The following CDRT4 variants were observed in gnomAD, a reference collection of about 807,000 sequenced individuals.
CDRT4 encodes the protein CMT1A duplicated region transcript 4.
For missense variants in CDRT4, 167 were observed against 193.1 expected, an observed-to-expected ratio of 0.87 and a Z score of 0.80; for synonymous variants, 64 against 69.6, an observed-to-expected ratio of 0.92 and a Z score of 0.40.
chr17:15,442,353 T>G (rs1287666648), intron 2 of CDRT4, among the ~76,000 whole-genome samples: 1 of 149,578 alleles, frequency 6.7e-6, no homozygotes, highest in African/African-American at 2.5e-5. Flanking sequence ...GAGGTTGCAG[T>G]GAACCGGGAT....
chr17:15,454,939 G>A (rs146766747), intron 1 of CDRT4, among the ~76,000 whole-genome samples: 144 of 152,202 alleles, frequency 9.5e-4, no homozygotes, highest in Non-Finnish European at 1.5e-3. Flanking sequence ...CTTTGTAACC[G>A]TTAGCTTTTC....
At chr17:15,441,785 TAC>T (rs1207920145) in intron 2 of CDRT4, among the ~76,000 whole-genome samples, 1 of 152,258 alleles carries the variant, frequency 6.6e-6, no homozygotes, top group East Asian at 1.9e-4. Context: ...AGACAGATCT[TAC>T]AGAGTCCCTG....
At chr17:15,459,439 C>CTTTTTTTT (rs35161691) in intron 1 of CDRT4, among the ~76,000 whole-genome samples, 99 of 107,484 alleles carry the variant, frequency 9.2e-4, no homozygotes, top group African/African-American at 1.8e-3. Context: ...CTTTTTTTTT[C>CTTTTTTTT]TTTTTTTTTT....
chr17:15,449,367 A>G (rs1979165250), intron 2 of CDRT4, among the ~76,000 whole-genome samples: 1 of 152,252 alleles, frequency 6.6e-6, no homozygotes, highest in Non-Finnish European at 1.5e-5. Context: ...CAGCCTGTCC[A>G]AGGTCACACA....
intron 1 of CDRT4, among the ~76,000 whole-genome samples, chr17:15,455,611 ACACTCTCTTT>A (rs1385907365): frequency 6.6e-6 from 1 of 152,220 alleles, no homozygotes; most frequent in Non-Finnish European, 1.5e-5. Context: ...GCACTCTCTT[ACACTCTCTTT>A]CTCGTTCATC....
At chr17:15,448,950 C>G (rs1979147861) in intron 2 of CDRT4, among the ~76,000 whole-genome samples, 1 of 152,210 alleles carries the variant, frequency 6.6e-6, no homozygotes. Context: ...TTCCAATCAC[C>G]AGGTCTTCCT....
rs1468562185 is a variant in CDRT4, at chr17:15,436,775, G to A, written c.*998C>T. On this transcript the variant is annotated 3_prime_UTR_variant, in exon 4 of 4. Coordinates refer to ENST00000619038, the MANE Select transcript of CDRT4 (RefSeq NM_001204477.2). ...CTCAATACCAGGTCCAGGAGCAGCT[G>A]GATGGGATCACTCAGAACCCGGCCG... 1 of 152,246 alleles carries A rather than the reference G, an allele frequency of 6.6e-6. No individual in the cohort carries two copies. Among genetic ancestry groups the A allele is most frequent in the African/African-American group, 2.4e-5 (1 of 41,452 alleles). 9.4% of individuals were successfully genotyped at this position (152,246 alleles called of 1,614,324 possible). A position where few individuals can be genotyped will look rare whatever the true frequency, so the allele number is the denominator to read the frequency against.
At chr17:15,448,046 G>A (rs1979103571) in intron 2 of CDRT4, among the ~76,000 whole-genome samples, 1 of 152,122 alleles carries the variant, frequency 6.6e-6, no homozygotes, top group Admixed American at 6.5e-5. Flanking sequence ...TAATCAATCA[G>A]AAAAAGGAAG....
intron 1 of CDRT4, among the ~76,000 whole-genome samples, chr17:15,459,350 G>A (rs1030321658): frequency 2.0e-5 from 3 of 151,800 alleles, no homozygotes; most frequent in African/African-American, 4.8e-5. Flanking sequence ...TTGTCTTCAG[G>A]CCCCTCCCCA....
intron 1 of CDRT4, among the ~76,000 whole-genome samples, chr17:15,459,422 TTGA>T: frequency 6.6e-6 from 1 of 150,662 alleles, no homozygotes; most frequent in Non-Finnish European, 1.5e-5. Context: ...CTCTATTGAG[TTGA>T]TTTCTTTTTT....
intron 1 of CDRT4, among the ~76,000 whole-genome samples, chr17:15,467,166 A>G (rs767198292): frequency 2.6e-5 from 4 of 152,168 alleles, no homozygotes; most frequent in Non-Finnish European, 5.9e-5. Context: ...CATTATAGAC[A>G]TACCTGAGCT....
intron 1 of CDRT4, among the ~76,000 whole-genome samples, chr17:15,456,549 C>T (rs866312506): frequency 1.1e-4 from 16 of 146,106 alleles, no homozygotes; most frequent in South Asian, 8.6e-4. Flanking sequence ...GGAAGATTGC[C>T]GCTAATCTTC....
At chr17:15,459,898 C>A (rs544035005) in intron 1 of CDRT4, among the ~76,000 whole-genome samples, 1 of 152,086 alleles carries the variant, frequency 6.6e-6, no homozygotes, top group Non-Finnish European at 1.5e-5. Flanking sequence ...AGCCAGCAGG[C>A]CCCTTTCTCC....
chr17:15,441,368 C>T (rs534174099), intron 2 of CDRT4, among the ~76,000 whole-genome samples: 6 of 152,306 alleles, frequency 3.9e-5, no homozygotes, highest in Middle Eastern at 3.4e-3. Context: ...TTCAGTAGGT[C>T]TGTTTTGAGG....
At chr17:15,463,936 G>C (rs1979875543) in intron 1 of CDRT4, among the ~76,000 whole-genome samples, 1 of 152,146 alleles carries the variant, frequency 6.6e-6, no homozygotes, top group Admixed American at 6.5e-5. Context: ...GGTGAAATCA[G>C]CAAGGGTCCA....
intron 2 of CDRT4, among the ~76,000 whole-genome samples, chr17:15,446,767 C>T (rs1177673815): frequency 2.0e-5 from 3 of 152,112 alleles, no homozygotes; most frequent in East Asian, 1.9e-4. Flanking sequence ...ACAGACTTGG[C>T]ATTACTGATT....
At chr17:15,459,429 CTTTTTTTTTCTT>C (rs1979639540) in intron 1 of CDRT4, among the ~76,000 whole-genome samples, 3 of 131,588 alleles carry the variant, frequency 2.3e-5, no homozygotes, top group Non-Finnish European at 3.2e-5. Flanking sequence ...GAGTTGATTT[CTTTTTTTTTCTT>C]TTTTTTTTTT....
intron 1 of CDRT4, among the ~76,000 whole-genome samples, chr17:15,459,736 G>A (rs985490974): frequency 8.5e-5 from 13 of 152,134 alleles, no homozygotes; most frequent in South Asian, 2.1e-4. Context: ...ATGAGCCACC[G>A]TGCCCAGCCT....
rs1278340029 is a variant in CDRT4 at position 15,437,916 on chromosome 17, A to G, written c.316T>C (p.Ser106Pro). The change falls in exon 4 of 4, where the codon TCG (serine) becomes CCG (proline). Residue 106 changes from serine to proline, a missense_variant. Coordinates refer to ENST00000619038, the MANE Select transcript of CDRT4 (RefSeq NM_001204477.2). Reference protein sequence around the residue: ...ESTLSMWGAYSVLAMAPTMIP... With the variant: ...ESTLSMWGAYPVLAMAPTMIP... ...ATGGTAGGAGCCATGGCCAATACCG[A>G]ATAAGCGCCCCACATTGATAACGTG... is the stretch of plus-strand genomic sequence containing the variant. 6.2e-6 allele frequency: 10 copies of G among 1,614,168 alleles called. No individual in the cohort carries two copies. The highest frequency in any genetic ancestry group is 1.6e-4 in the Middle Eastern group (1 of 6,062).
Sources: allele counts gnomAD v4.1 joint callset (sites outside exome capture counted in the v4.1 genomes callset), GRCh38; gene constraint gnomAD v4.1.1; transcripts MANE v1.5; gene names NCBI Gene and HGNC (gene_info 2026-07-23, HGNC 2026-07-21).